Variants in LDLRAD4 observed in about 807,000 individuals in gnomAD.
The protein encoded by LDLRAD4 is low-density lipoprotein receptor class A domain-containing protein 4.
A neutral mutation model predicts 17.0 loss-of-function variants in LDLRAD4; 5 were observed. The observed-to-expected ratio is 0.29, with a 90% CI of 0.15 to 0.62. LDLRAD4 has a LOEUF of 0.62. Among genes scored for constraint, LDLRAD4 ranks in the 20% least tolerant of loss-of-function variants. The probability of loss-of-function intolerance (pLI) is 0.84; values close to 1 mark genes in which losing one functional copy is unlikely to be tolerated. For synonymous variants in LDLRAD4, 168 were observed against 171.8 expected (o/e 0.98, Z 0.17); for missense variants, 340 against 424.7 (o/e 0.80, Z 1.75).
chr18:13,269,087 G>A (rs2044377746), intron 1 of LDLRAD4, among the ~76,000 whole-genome samples: 1 of 152,192 alleles, frequency 6.6e-6, no homozygotes, highest in Non-Finnish European at 1.5e-5. Flanking sequence ...ACAGTGTTCT[G>A]TGCTTCTTAG....
intron 3 of LDLRAD4, among the ~76,000 whole-genome samples, chr18:13,619,858 C>T (rs545512743): frequency 6.6e-6 from 1 of 152,110 alleles, no homozygotes; most frequent in South Asian, 2.1e-4. Context: ...TCCACCTGCT[C>T]TCTGCACAGC....
At position 13,473,659 on chromosome 18, in the gene LDLRAD4, ATATATATATATATATATAT is replaced by A. The variant is rs1241942076; in HGVS notation, c.181+35276_181+35294del. 3.8e-4 allele frequency among the ~76,000 whole-genome samples: 40 copies of A among 105,826 alleles called. 1 individual carries two copies. The highest frequency in any genetic ancestry group is 6.1e-4 in the Non-Finnish European group (32 of 52,422). The allele number at this position is 105,826 out of a possible 152,430, so 69.4% of individuals were successfully genotyped here. A position where few individuals can be genotyped will look rare whatever the true frequency, so the allele number is the denominator to read the frequency against. On this transcript the variant is annotated intron_variant, in intron 3 of 5. Transcript: ENST00000359446. ...CTCATATATATATATATATATATAT[ATATATATATATATATATAT>A]AACGTTTACATTTTATATATATTTA...
intron 2 of LDLRAD4, among the ~76,000 whole-genome samples, chr18:13,432,760 A>G (rs192992651): frequency 6.6e-6 from 1 of 152,344 alleles, no homozygotes; most frequent in African/African-American, 2.4e-5. Flanking sequence ...TCTGTTGCCC[A>G]GGCTGGAGTG....
intron 1 of LDLRAD4, among the ~76,000 whole-genome samples, chr18:13,290,665 G>A (rs145768094): frequency 2.0e-5 from 3 of 152,258 alleles, no homozygotes; most frequent in African/African-American, 7.2e-5. Context: ...TTTACCTTCA[G>A]ATGTGTGAGC....
intron 1 of LDLRAD4, among the ~76,000 whole-genome samples, chr18:13,278,826 T>C (rs750850897): frequency 6.6e-6 from 1 of 152,152 alleles, no homozygotes; most frequent in Non-Finnish European, 1.5e-5. Flanking sequence ...GTGCCTGCAG[T>C]GTCAGGAGCT....
intron 1 of LDLRAD4, among the ~76,000 whole-genome samples, chr18:13,335,298 C>T (rs1266762081): frequency 1.3e-5 from 2 of 152,176 alleles, no homozygotes; most frequent in African/African-American, 2.4e-5. Flanking sequence ...TCACTACACG[C>T]CCTTACTTGT....
chr18:13,281,865 T>G (rs965572189), intron 1 of LDLRAD4, among the ~76,000 whole-genome samples: 2 of 152,112 alleles, frequency 1.3e-5, no homozygotes, highest in Non-Finnish European at 2.9e-5. Context: ...TTCTTCAACT[T>G]CAGGGTTGTA....
chr18:13,586,361 C>G lies in LDLRAD4; in HGVS notation c.182-34756C>G, dbSNP rs1329100136. On this transcript the variant is annotated intron_variant, in intron 3 of 5. Transcript: ENST00000359446. Reference sequence around the variant, plus strand: ...GGCGGAGGTTGCAGTGAGTTGAGGTCGTGCCACTGCACTTCAGCCTGGGTG... The same window carrying G: ...GGCGGAGGTTGCAGTGAGTTGAGGTGGTGCCACTGCACTTCAGCCTGGGTG... Among the ~76,000 whole-genome samples, 3 of 131,270 alleles carry G rather than the reference C, an allele frequency of 2.3e-5. No homozygotes were observed. The East Asian group carries it at 7.3e-4, about 32-fold the overall frequency. The allele number at this position is 131,270 out of a possible 152,430, so 86.1% of individuals were successfully genotyped here.
chr18:13,444,032 T>A (rs933577253), intron 3 of LDLRAD4, among the ~76,000 whole-genome samples: 3 of 152,180 alleles, frequency 2.0e-5, no homozygotes, highest in African/African-American at 7.2e-5. Context: ...TCCTTTTTTC[T>A]CAAGTAATTA....
chr18:13,642,595 C>A, intron 4 of LDLRAD4: 1 of 1,229,112 alleles, frequency 8.1e-7, no homozygotes, highest in Non-Finnish European at 1.0e-6. Flanking sequence ...TCGGAAAGGG[C>A]CGTCCACCTG....
At chr18:13,411,009 G>C (rs1206670850) in intron 2 of LDLRAD4, among the ~76,000 whole-genome samples, 2 of 152,194 alleles carry the variant, frequency 1.3e-5, no homozygotes, top group African/African-American at 4.8e-5. Context: ...CCAGCACTTT[G>C]GGAGACTGAG....
chr18:13,348,014 C>T (rs1437386024), intron 1 of LDLRAD4, among the ~76,000 whole-genome samples: 1 of 152,130 alleles, frequency 6.6e-6, no homozygotes, highest in Non-Finnish European at 1.5e-5. Context: ...GCCACGGGTT[C>T]GAAATTCCTC....
At chr18:13,502,667 T>C (rs2093631143) in intron 3 of LDLRAD4, among the ~76,000 whole-genome samples, 1 of 152,118 alleles carries the variant, frequency 6.6e-6, no homozygotes, top group Non-Finnish European at 1.5e-5. Context: ...CTCAGCTAGC[T>C]TGGGCCACGG....
chr18:13,469,466 G>A (rs1490996008), intron 3 of LDLRAD4, among the ~76,000 whole-genome samples: 1 of 152,216 alleles, frequency 6.6e-6, no homozygotes, highest in East Asian at 1.9e-4. Flanking sequence ...ACAATGGCCA[G>A]AGAGTGGAAA....
At chr18:13,256,194 T>C (rs1273931091) in intron 1 of LDLRAD4, among the ~76,000 whole-genome samples, 2 of 152,166 alleles carry the variant, frequency 1.3e-5, no homozygotes, top group African/African-American at 2.4e-5. Flanking sequence ...ACAGTGATTA[T>C]ATATGTTGGC....
intron 2 of LDLRAD4, among the ~76,000 whole-genome samples, chr18:13,426,686 C>T (rs1046136564): frequency 6.6e-6 from 1 of 152,214 alleles, no homozygotes; most frequent in African/African-American, 2.4e-5. Context: ...TACCAAGTCT[C>T]CATCTGGGAA....
intron 3 of LDLRAD4, among the ~76,000 whole-genome samples, chr18:13,467,134 A>G (rs746299229): frequency 5.3e-5 from 8 of 152,250 alleles, no homozygotes; most frequent in Non-Finnish European, 1.2e-4. Flanking sequence ...ATTGTACTCC[A>G]GGTTCTAGCC....
At chr18:13,576,437 A>AAGAAAG (rs1555750705) in intron 3 of LDLRAD4, among the ~76,000 whole-genome samples, 1 of 83,682 alleles carries the variant, frequency 1.2e-5, no homozygotes, top group African/African-American at 3.1e-5. Flanking sequence ...AAAAAAAAAA[A>AAGAAAG]AAAGAAAGAA....
rs532985505 is a variant in LDLRAD4 at position 13,426,908 on chromosome 18, A to G, written c.41-11336A>G. Among the ~76,000 whole-genome samples the G allele has an allele frequency of 2.0e-5, 3 of 152,324 alleles. No individual in the cohort carries two copies. The East Asian group carries it at 5.8e-4, about 29-fold the overall frequency. ...GGTTTGAGATCTCAGAAGGAAGGCC[A>G]GGTGCAGTGGCTCACGCCTGTAATC... is the stretch of plus-strand genomic sequence containing the variant. On this transcript the variant is annotated intron_variant, in intron 2 of 5. Transcript: ENST00000359446.
Sources: gnomAD v4.1 joint callset for allele counts (sites outside exome capture counted in the v4.1 genomes callset) on GRCh38, gnomAD v4.1.1 for gene constraint, MANE v1.5 for transcripts, NCBI Gene and HGNC (gene_info 2026-07-23, HGNC 2026-07-21) for gene names.